The following CREM variants were observed in gnomAD, a reference collection of about 807,000 sequenced individuals.
CREM encodes the protein cAMP responsive element modulator, also known as cAMP-responsive element modulator.
CREM carries 13 observed loss-of-function variants against 37.3 expected under a neutral mutation model. The ratio of observed to expected loss-of-function variants is 0.35; its 90% CI spans 0.23 to 0.55. CREM has a LOEUF of 0.55. CREM is among the 20% of genes least tolerant of loss of function. The pLI is 0.88. For synonymous variants in CREM, 124 were observed against 120.2 expected (o/e 1.03, Z -0.21); for missense variants, 296 against 362.3 (o/e 0.82, Z 1.49).
chr10:35,186,485 T>A (rs1323460339), intron 5 of CREM, among the ~76,000 whole-genome samples: 1 of 151,680 alleles, frequency 6.6e-6, no homozygotes, highest in African/African-American at 2.4e-5. Context: ...TAGTAACAGT[T>A]ACTTTTTAAG....
intron 3 of CREM, among the ~76,000 whole-genome samples, chr10:35,150,734 T>A (rs1202492469): frequency 6.6e-6 from 1 of 151,976 alleles, no homozygotes; most frequent in Non-Finnish European, 1.5e-5. Flanking sequence ...GGCACGAGAA[T>A]CACTTGAACC....
intron 3 of CREM, among the ~76,000 whole-genome samples, chr10:35,177,783 T>G (rs2094158749): frequency 1.3e-5 from 2 of 152,202 alleles, no homozygotes; most frequent in Admixed American, 1.3e-4. Flanking sequence ...AATAGGTAAA[T>G]TAATAGCCTA....
At chr10:35,142,035 C>A (rs1368457394) in intron 2 of CREM, among the ~76,000 whole-genome samples, 1 of 152,218 alleles carries the variant, frequency 6.6e-6, no homozygotes, top group Non-Finnish European at 1.5e-5. Flanking sequence ...TTTCTAGAGA[C>A]GTTTTAGAGG....
chr10:35,204,260 A>C (rs954375626), intron 6 of CREM, among the ~76,000 whole-genome samples: 1 of 152,232 alleles, frequency 6.6e-6, no homozygotes, highest in Non-Finnish European at 1.5e-5. Context: ...ATAGTCACAA[A>C]AACAAATTTA....
intron 6 of CREM, among the ~76,000 whole-genome samples, chr10:35,192,787 T>C (rs962214421): frequency 6.6e-6 from 1 of 152,198 alleles, no homozygotes; most frequent in Admixed American, 6.5e-5. Context: ...TGGGTGGGGA[T>C]ACAAACATTC....
At chr10:35,142,648 C>T (rs1221418531) in intron 2 of CREM, among the ~76,000 whole-genome samples, 2 of 152,298 alleles carry the variant, frequency 1.3e-5, no homozygotes, top group East Asian at 3.9e-4. Context: ...CTCTGTCACC[C>T]AGGCTGGAGT....
At chr10:35,198,583 C>T (rs2095286947) in intron 6 of CREM, among the ~76,000 whole-genome samples, 1 of 151,038 alleles carries the variant, frequency 6.6e-6, no homozygotes, top group African/African-American at 2.4e-5. Flanking sequence ...TTTTGTGGGG[C>T]ATAATTTACA....
chr10:35,185,228 G>A (rs1218982209), intron 5 of CREM, among the ~76,000 whole-genome samples: 1 of 151,278 alleles, frequency 6.6e-6, no homozygotes, highest in Non-Finnish European at 1.5e-5. Flanking sequence ...TCAGCCTCCC[G>A]AGGAGCTGGG....
intron 3 of CREM, chr10:35,175,510 A>G: frequency 1.6e-6 from 1 of 635,150 alleles, no homozygotes; most frequent in Non-Finnish European, 2.8e-6. Flanking sequence ...AGGGTAGTTT[A>G]TACTCTGGCC....
At chr10:35,205,326 A>G (rs1372923229) in intron 6 of CREM, among the ~76,000 whole-genome samples, 1 of 152,262 alleles carries the variant, frequency 6.6e-6, no homozygotes, top group Non-Finnish European at 1.5e-5. Context: ...CAATACTTTT[A>G]AATGAATATT....
chr10:35,158,028 G>A (rs1244877843), intron 3 of CREM, among the ~76,000 whole-genome samples: 1 of 152,064 alleles, frequency 6.6e-6, no homozygotes, highest in Non-Finnish European at 1.5e-5. Context: ...ATTTAAGCAA[G>A]GAGGTGAAAT....
At chr10:35,137,743 G>T in intron 1 of CREM, 39 bp from the exon 2 acceptor site, 1 of 913,126 alleles carries the variant, frequency 1.1e-6, no homozygotes, top group Non-Finnish European at 1.6e-6. Context: ...GAAGTGAAAT[G>T]TTACGATCTC....
intron 6 of CREM, among the ~76,000 whole-genome samples, chr10:35,201,216 G>A (rs1406681161): frequency 6.6e-6 from 1 of 152,110 alleles, no homozygotes; most frequent in Non-Finnish European, 1.5e-5. Flanking sequence ...CCCTGGGTTT[G>A]TCAGAAGGGA....
intron 6 of CREM, among the ~76,000 whole-genome samples, chr10:35,204,468 C>T (rs557972098): frequency 9.9e-4 from 151 of 152,030 alleles, no homozygotes; most frequent in African/African-American, 3.4e-3. Flanking sequence ...GGCATGATGG[C>T]GCGTGCCTGT....
chr10:35,196,141 T>A, intron 6 of CREM: 1 of 1,603,498 alleles, frequency 6.2e-7, no homozygotes, highest in Non-Finnish European at 8.5e-7. Flanking sequence ...TGCATGCGCC[T>A]GGTGAGAAAT....
At chr10:35,187,858 G>A (rs1284114627) in intron 5 of CREM, among the ~76,000 whole-genome samples, 1 of 152,130 alleles carries the variant, frequency 6.6e-6, no homozygotes, top group Non-Finnish European at 1.5e-5. Flanking sequence ...AAAAACATCT[G>A]AGAGAATGGA....
intron 6 of CREM, among the ~76,000 whole-genome samples, chr10:35,191,845 A>G (rs775226652): frequency 6.6e-6 from 1 of 152,052 alleles, no homozygotes; most frequent in Non-Finnish European, 1.5e-5. Context: ...CACTGTGACT[A>G]TGTCCTGACT....
chr10:35,165,078 A>AAAAAAAAAAAAAG (rs1491207726), intron 3 of CREM, among the ~76,000 whole-genome samples: 1 of 148,822 alleles, frequency 6.7e-6, no homozygotes, highest in African/African-American at 2.5e-5. Flanking sequence ...AAAAAAAAAA[A>AAAAAAAAAAAAAG]GAAAAGGAAA....
chr10:35,133,408 C>T (rs569618564), intron 1 of CREM, among the ~76,000 whole-genome samples: 2 of 151,716 alleles, frequency 1.3e-5, no homozygotes, highest in African/African-American at 4.8e-5. Context: ...CCCAGATTCT[C>T]CTGCCTCAGC....
Sources: allele counts gnomAD v4.1 joint callset (sites outside exome capture counted in the v4.1 genomes callset), GRCh38; gene constraint gnomAD v4.1.1; transcripts MANE v1.5; gene names NCBI Gene and HGNC (gene_info 2026-07-23, HGNC 2026-07-21).